Variants in SGCZ observed in about 807,000 individuals in gnomAD.
SGCZ encodes zeta-sarcoglycan.
In SGCZ, 40 loss-of-function variants were observed where a neutral mutation model predicts 41.3. The observed-to-expected ratio is 0.97, with a 90% CI of 0.75 to 1.26. The LOEUF is 1.26. Among genes scored for constraint, SGCZ ranks in the 50% most tolerant of loss-of-function variants. The pLI is 0.00. For synonymous variants in SGCZ, 206 were observed against 137.5 expected, an observed-to-expected ratio of 1.50 and a Z score of -3.49; for missense variants, 552 against 369.8, an observed-to-expected ratio of 1.49 and a Z score of -4.04.
At chr8:14,367,034 G>T (rs117317667) in intron 2 of SGCZ, among the ~76,000 whole-genome samples, 4,537 of 152,112 alleles carry the variant, frequency 0.03, 107 homozygotes, top group East Asian at 0.099. Flanking sequence ...GCATTGTCAG[G>T]CTGCATATTT....
At chr8:15,047,689 G>A (rs1409183852) in intron 1 of SGCZ, among the ~76,000 whole-genome samples, 1 of 151,984 alleles carries the variant, frequency 6.6e-6, no homozygotes, top group Non-Finnish European at 1.5e-5. Flanking sequence ...GAAATTCTGA[G>A]AACATTCTAT....
At chr8:14,539,273 A>G (rs1237424188) in intron 2 of SGCZ, among the ~76,000 whole-genome samples, 2 of 151,942 alleles carry the variant, frequency 1.3e-5, no homozygotes, top group Non-Finnish European at 2.9e-5. Flanking sequence ...ATGTGAACCA[A>G]TTCTGTAACA....
intron 3 of SGCZ, among the ~76,000 whole-genome samples, chr8:14,302,652 T>C (rs1027404247): frequency 6.6e-6 from 1 of 152,088 alleles, no homozygotes; most frequent in African/African-American, 2.4e-5. Context: ...AGATTTAATA[T>C]TCCAAAGGCC....
chr8:14,765,597 T>G (rs534546044), intron 1 of SGCZ, among the ~76,000 whole-genome samples: 1 of 152,342 alleles, frequency 6.6e-6, no homozygotes, highest in African/African-American at 2.4e-5. Context: ...GCCTTCCATA[T>G]ATCCTACAGG....
intron 1 of SGCZ, among the ~76,000 whole-genome samples, chr8:15,195,136 A>C (rs537354408): frequency 2.0e-5 from 3 of 152,268 alleles, no homozygotes; most frequent in Non-Finnish European, 4.4e-5. Flanking sequence ...ACATTCTGAA[A>C]ACTGTAATAC....
At chr8:14,558,831 G>C (rs536458554) in intron 1 of SGCZ, among the ~76,000 whole-genome samples, 1 of 151,992 alleles carries the variant, frequency 6.6e-6, no homozygotes, top group African/African-American at 2.4e-5. Flanking sequence ...TGATATGCAA[G>C]TCAATAAAAA....
At chr8:15,109,199 C>T (rs971920870) in intron 1 of SGCZ, among the ~76,000 whole-genome samples, 1 of 152,156 alleles carries the variant, frequency 6.6e-6, no homozygotes, top group Non-Finnish European at 1.5e-5. Flanking sequence ...GAAACCACAG[C>T]AAAGAAGACA....
intron 4 of SGCZ, among the ~76,000 whole-genome samples, chr8:14,182,352 C>T (rs759771950): frequency 6.6e-6 from 1 of 152,142 alleles, no homozygotes; most frequent in Non-Finnish European, 1.5e-5. Context: ...ATCTGAGAAC[C>T]AACCAGGAAA....
At chr8:14,389,428 A>G (rs1179529981) in intron 2 of SGCZ, among the ~76,000 whole-genome samples, 1 of 151,632 alleles carries the variant, frequency 6.6e-6, no homozygotes, top group Non-Finnish European at 1.5e-5. Flanking sequence ...TCATGCTGAA[A>G]CTGCTAAACA....
In SGCZ at chr8:15,103,219, G is replaced by C. The variant is rs542024807; in HGVS notation, c.39+134366C>G. Among the ~76,000 whole-genome samples, 5 of 152,058 alleles carry C rather than the reference G, an allele frequency of 3.3e-5. No homozygotes were observed. The South Asian group carries it at 8.3e-4, about 25-fold the overall frequency. ...AGTTTGCAACCAACCTGGCCAACACGGTGGAACCCCATCTCTACTAAAAAT... is the reference window on the plus strand; with the variant it reads ...AGTTTGCAACCAACCTGGCCAACACCGTGGAACCCCATCTCTACTAAAAAT... On this transcript the variant is annotated intron_variant, in intron 1 of 7. Transcript: ENST00000382080.
chr8:14,369,873 T>C (rs1803849382), intron 2 of SGCZ, among the ~76,000 whole-genome samples: 1 of 151,994 alleles, frequency 6.6e-6, no homozygotes, highest in African/African-American at 2.4e-5. Context: ...AATCAACTAG[T>C]GAGAGAAAAA....
intron 1 of SGCZ, among the ~76,000 whole-genome samples, chr8:14,574,682 C>T (rs899687447): frequency 6.6e-6 from 1 of 152,170 alleles, no homozygotes; most frequent in Non-Finnish European, 1.5e-5. Flanking sequence ...AATCTGAACA[C>T]TCCATGGTCA....
In SGCZ at chr8:14,249,334, C is replaced by A. The variant is rs181011497; in HGVS notation, c.337-11655G>T. On this transcript the variant is annotated intron_variant, in intron 3 of 7. Coordinates refer to ENST00000382080, the MANE Select transcript of SGCZ (RefSeq NM_139167.4). Reference sequence around the variant, plus strand: ...GTTTGGTTTAGCATGATATCACAGGCTTTCCTGGGTCTCCAACTGGCTAAC... The same window carrying A: ...GTTTGGTTTAGCATGATATCACAGGATTTCCTGGGTCTCCAACTGGCTAAC... Among the ~76,000 whole-genome samples the A allele has an allele frequency of 5.9e-5, 9 of 152,246 alleles. No individual in the cohort carries two copies. In the East Asian group the frequency reaches 7.8e-4, roughly 13 times the overall value.
chr8:15,072,621 A>G (rs1805397418), intron 1 of SGCZ, among the ~76,000 whole-genome samples: 1 of 152,212 alleles, frequency 6.6e-6, no homozygotes, highest in Non-Finnish European at 1.5e-5. Flanking sequence ...GACAGAGGCC[A>G]GGAATTTATG....
At chr8:14,607,397 T>A (rs1805786705) in intron 1 of SGCZ, among the ~76,000 whole-genome samples, 1 of 152,216 alleles carries the variant, frequency 6.6e-6, no homozygotes, top group African/African-American at 2.4e-5. Context: ...AAGTGTCTGA[T>A]GGATTTCATG....
chr8:14,284,037 AT>A (rs1800537049), intron 3 of SGCZ, among the ~76,000 whole-genome samples: 1 of 152,192 alleles, frequency 6.6e-6, no homozygotes, highest in African/African-American at 2.4e-5. Context: ...TTTCTTGTGA[AT>A]TGGGCCATTT....
chr8:15,098,989 C>T (rs1009572066), intron 1 of SGCZ, among the ~76,000 whole-genome samples: 16 of 151,590 alleles, frequency 1.1e-4, no homozygotes, highest in African/African-American at 2.4e-5. Context: ...ACCTGGGAGA[C>T]GGAGGTTGTA....
At chr8:14,132,821 C>T (rs192152078) in intron 5 of SGCZ, among the ~76,000 whole-genome samples, 8 of 152,162 alleles carry the variant, frequency 5.3e-5, no homozygotes, top group Admixed American at 2.6e-4. Context: ...CCACCTTTTG[C>T]GAATTGTGCT....
At chr8:14,883,169 G>T (rs1447809336) in intron 1 of SGCZ, among the ~76,000 whole-genome samples, 1 of 150,464 alleles carries the variant, frequency 6.6e-6, no homozygotes, top group Admixed American at 6.7e-5. Context: ...CTCATCTGGT[G>T]ATGAAACAGA....
Sources: allele counts gnomAD v4.1 joint callset (sites outside exome capture counted in the v4.1 genomes callset), GRCh38; gene constraint gnomAD v4.1.1; transcripts MANE v1.5; gene names NCBI Gene and HGNC (gene_info 2026-07-23, HGNC 2026-07-21).